The following CDH8 variants were observed in gnomAD, a reference collection of about 807,000 sequenced individuals.
The protein encoded by CDH8 is cadherin-8.
In CDH8, 17 loss-of-function variants were observed where a neutral mutation model predicts 68.1. The observed-to-expected ratio is 0.25, with a 90% CI of 0.17 to 0.37. The LOEUF (loss-of-function observed/expected upper bound fraction) is 0.37. Among genes scored for constraint, CDH8 ranks in the 10% least tolerant of loss-of-function variants. The pLI is 1.00. For synonymous variants in CDH8, 372 were observed against 365.1 expected, an observed-to-expected ratio of 1.02 and a Z score of -0.21; for missense variants, 763 against 999.3, an observed-to-expected ratio of 0.76 and a Z score of 3.19.
At chr16:61,654,329 T>C (rs1250780632) in intron 11 of CDH8, among the ~76,000 whole-genome samples, 4 of 152,130 alleles carry the variant, frequency 2.6e-5, no homozygotes, top group Non-Finnish European at 5.9e-5. Context: ...TAGAGCTGGG[T>C]TAAAAGAATT....
chr16:61,936,004 C>T (rs1964621558), intron 2 of CDH8, among the ~76,000 whole-genome samples: 1 of 152,006 alleles, frequency 6.6e-6, no homozygotes, highest in African/African-American at 2.4e-5. Flanking sequence ...TCCCAGAGAC[C>T]CACCACATAC....
chr16:61,881,907 C>T (rs1258260802), intron 3 of CDH8, among the ~76,000 whole-genome samples: 3 of 152,164 alleles, frequency 2.0e-5, no homozygotes, highest in Admixed American at 6.5e-5. Flanking sequence ...TCTAAGCTGT[C>T]CTAAGCCTAA....
chr16:61,951,354 A>G (rs537024408), intron 2 of CDH8, among the ~76,000 whole-genome samples: 7 of 152,074 alleles, frequency 4.6e-5, no homozygotes, highest in African/African-American at 1.7e-4. Flanking sequence ...TACTAAAAAT[A>G]CAAAAAAAAT....
chr16:61,991,295 C>T (rs532756456), intron 2 of CDH8, among the ~76,000 whole-genome samples: 47 of 152,166 alleles, frequency 3.1e-4, no homozygotes, highest in Non-Finnish European at 3.2e-4. Flanking sequence ...ATGTGAGGCA[C>T]TTTTGTGTGC....
At chr16:61,784,838 C>G (rs1400990209) in intron 8 of CDH8, among the ~76,000 whole-genome samples, 1 of 152,108 alleles carries the variant, frequency 6.6e-6, no homozygotes, top group Non-Finnish European at 1.5e-5. Flanking sequence ...TGAATGACTA[C>G]TGGGTACATA....
intron 3 of CDH8, among the ~76,000 whole-genome samples, chr16:61,871,497 T>C (rs2143052680): frequency 6.6e-6 from 1 of 152,098 alleles, no homozygotes; most frequent in East Asian, 1.9e-4. Flanking sequence ...ATTCAAAATA[T>C]GGGCAAATGT....
intron 2 of CDH8, among the ~76,000 whole-genome samples, chr16:61,971,765 G>C (rs1663337544): frequency 6.6e-6 from 1 of 152,120 alleles, no homozygotes; most frequent in Admixed American, 6.5e-5. Context: ...CTGCATAAGA[G>C]CTGCCAGCCA....
At chr16:61,964,175 A>C (rs551156975) in intron 2 of CDH8, among the ~76,000 whole-genome samples, 6 of 152,240 alleles carry the variant, frequency 3.9e-5, no homozygotes, top group Non-Finnish European at 8.8e-5. Flanking sequence ...ATGTCTAAAG[A>C]CCAAAACATC....
intron 10 of CDH8, among the ~76,000 whole-genome samples, chr16:61,672,953 C>A (rs1232511085): frequency 1.3e-5 from 2 of 152,054 alleles, no homozygotes; most frequent in Non-Finnish European, 2.9e-5. Context: ...TAATAATAGA[C>A]AAGCTCATGT....
chr16:61,922,304 G>A (rs998203331), intron 2 of CDH8, among the ~76,000 whole-genome samples: 1 of 152,122 alleles, frequency 6.6e-6, no homozygotes, highest in Non-Finnish European at 1.5e-5. Flanking sequence ...CAAATTTTGT[G>A]TAAAAAACAA....
intron 3 of CDH8, among the ~76,000 whole-genome samples, chr16:61,862,993 C>T (rs780545790): frequency 6.6e-6 from 1 of 152,066 alleles, no homozygotes; most frequent in Non-Finnish European, 1.5e-5. Flanking sequence ...GCCATTTCTC[C>T]AAGAAAGCCC....
At chr16:61,899,893 A>C (rs181166983) in intron 3 of CDH8, among the ~76,000 whole-genome samples, 83 of 150,948 alleles carry the variant, frequency 5.5e-4, no homozygotes, top group African/African-American at 2.0e-3. Flanking sequence ...TTGCTAAATT[A>C]AAATATCAGG....
At chr16:61,809,080 G>A (rs1261950602) in intron 7 of CDH8, among the ~76,000 whole-genome samples, 6 of 152,116 alleles carry the variant, frequency 3.9e-5, no homozygotes, top group African/African-American at 1.2e-4. Flanking sequence ...CAGTTACTCG[G>A]GAAGCTGAGG....
intron 7 of CDH8, among the ~76,000 whole-genome samples, chr16:61,810,622 A>G (rs1596987956): frequency 1.3e-5 from 2 of 152,216 alleles, no homozygotes; most frequent in African/African-American, 4.8e-5. Context: ...ATCCTTGGAT[A>G]TCTATGAACT....
At chr16:61,832,354 A>AGATAGAT (rs1962476707) in intron 4 of CDH8, among the ~76,000 whole-genome samples, 1 of 151,246 alleles carries the variant, frequency 6.6e-6, no homozygotes, top group South Asian at 2.1e-4. Context: ...ATAGATAGAT[A>AGATAGAT]GATAGATAGA....
intron 8 of CDH8, among the ~76,000 whole-genome samples, chr16:61,748,674 A>T (rs2142941924): frequency 6.6e-6 from 1 of 152,158 alleles, no homozygotes; most frequent in Non-Finnish European, 1.5e-5. Flanking sequence ...AACAATACAT[A>T]CAGAGATGCA....
intron 3 of CDH8, among the ~76,000 whole-genome samples, chr16:61,863,722 C>A (rs965397157): frequency 6.6e-6 from 1 of 152,088 alleles, no homozygotes; most frequent in Admixed American, 6.6e-5. Context: ...GGGGCAGAAC[C>A]TTTGCAATAA....
At chr16:61,986,317 C>A (rs1355974159) in intron 2 of CDH8, among the ~76,000 whole-genome samples, 1 of 152,162 alleles carries the variant, frequency 6.6e-6, no homozygotes, top group Non-Finnish European at 1.5e-5. Context: ...ATAGTAGACT[C>A]AAGGGTAGGT....
Position 61,647,280 on chromosome 16 carries a change from A to ATTATG in CDH8, c.*6327_*6328insCATAA, listed in dbSNP as rs1963225301. The ATTATG allele has an allele frequency of 6.6e-6, 1 of 151,856 alleles. No individual in the cohort carries two copies. The highest frequency in any genetic ancestry group is 2.1e-4 in the South Asian group (1 of 4,828). 9.4% of individuals were successfully genotyped at this position (151,856 alleles called of 1,614,324 possible). On this transcript the variant is annotated 3_prime_UTR_variant, in exon 12 of 12. Transcript: ENST00000577390. ...AGCTCTTTCTTAAAGTTTATTTGCA[A>ATTATG]TATCATTATGTATAAATAATTATTA...
Sources: allele counts gnomAD v4.1 joint callset (sites outside exome capture counted in the v4.1 genomes callset), GRCh38; gene constraint gnomAD v4.1.1; transcripts MANE v1.5; gene names NCBI Gene and HGNC (gene_info 2026-07-23, HGNC 2026-07-21).